The following ARHGAP21 variants were observed in gnomAD, a reference collection of about 807,000 sequenced individuals.
ARHGAP21 encodes the protein Rho GTPase activating protein 21.
A neutral mutation model predicts 164.6 loss-of-function variants in ARHGAP21; 38 were observed. That is an observed-to-expected ratio of 0.23 (90% CI 0.18 to 0.30). The LOEUF is 0.30. Among genes scored for constraint, ARHGAP21 ranks in the 10% least tolerant of loss-of-function variants. ARHGAP21 has a pLI of 1.00. For missense variants in ARHGAP21, 1,822 were observed against 2,370.7 expected (o/e 0.77, Z 4.81); for synonymous variants, 766 against 857.9 (o/e 0.89, Z 1.87).
chr10:24,630,276 T>G (rs1004992760), intron 6 of ARHGAP21, among the ~76,000 whole-genome samples: 5 of 152,222 alleles, frequency 3.3e-5, no homozygotes, highest in Non-Finnish European at 5.9e-5. Context: ...ATGTTTGTGC[T>G]ATTCATAATC....
intron 7 of ARHGAP21, among the ~76,000 whole-genome samples, chr10:24,628,190 A>G (rs556320210): frequency 6.6e-6 from 1 of 152,188 alleles, no homozygotes; most frequent in Non-Finnish European, 1.5e-5. Context: ...CAGGGTAGGA[A>G]CTCTACAACC....
chr10:24,630,535 C>T (rs527342912), intron 6 of ARHGAP21, among the ~76,000 whole-genome samples: 9 of 152,186 alleles, frequency 5.9e-5, no homozygotes, highest in East Asian at 5.8e-4. Flanking sequence ...ACTGTCACCC[C>T]GGCTGGAGTG....
chr10:24,619,397 G>T, intron 9 of ARHGAP21, 76 bp downstream of exon 9: 1 of 1,405,008 alleles, frequency 7.1e-7, no homozygotes, highest in Non-Finnish European at 9.7e-7. Context: ...TATGCCTATT[G>T]AACTAGAAAT....
At chr10:24,626,549 T>C (rs145746069) in intron 7 of ARHGAP21, among the ~76,000 whole-genome samples, 14 of 152,256 alleles carry the variant, frequency 9.2e-5, no homozygotes, top group African/African-American at 3.4e-4. Flanking sequence ...AGCCTTGACC[T>C]TGGGCTTCCC....
At chr10:24,716,023 T>A (rs1845344003) in intron 2 of ARHGAP21, among the ~76,000 whole-genome samples, 1 of 152,130 alleles carries the variant, frequency 6.6e-6, no homozygotes, top group Non-Finnish European at 1.5e-5. Context: ...AGAAATAAAA[T>A]AAATAAGAAT....
At chr10:24,689,948 G>GTATATATGTATA (rs1565169515) in intron 2 of ARHGAP21, among the ~76,000 whole-genome samples, 1 of 5,480 alleles carries the variant, frequency 1.8e-4, no homozygotes, top group Non-Finnish European at 4.0e-4. Flanking sequence ...ATATGTATAT[G>GTATATATGTATA]TGTGTGTGTG....
intron 14 of ARHGAP21, among the ~76,000 whole-genome samples, chr10:24,600,428 T>TATA (rs1376164762): frequency 2.6e-5 from 4 of 152,216 alleles, no homozygotes; most frequent in Non-Finnish European, 5.9e-5. Context: ...ATACAGCATA[T>TATA]ATAAATAACC....
At chr10:24,611,843 T>G (rs1296155881) in intron 9 of ARHGAP21, among the ~76,000 whole-genome samples, 1 of 152,206 alleles carries the variant, frequency 6.6e-6, no homozygotes, top group Non-Finnish European at 1.5e-5. Context: ...ACATTACTTC[T>G]TGGCAGGAGC....
intron 9 of ARHGAP21, among the ~76,000 whole-genome samples, chr10:24,609,920 TTC>T (rs1418559206): frequency 3.9e-5 from 6 of 152,222 alleles, no homozygotes; most frequent in Non-Finnish European, 7.3e-5. Context: ...AAATAAAATA[TTC>T]TGTTAGATGA....
In ARHGAP21 at chr10:24,620,426, T is replaced by C; in HGVS notation, c.1469A>G (p.Asn490Ser). Reference sequence around the variant, plus strand: ...ATAATCCCATGAACGAGTTCTATGATTACTAAAACTAACAGATGGAGACGT... The same window carrying C: ...ATAATCCCATGAACGAGTTCTATGACTACTAAAACTAACAGATGGAGACGT... ...ALTSPSVSFS[N>S]HRTRSWDYIE... Residue 490 changes from asparagine (N) to serine (S), a missense_variant, in exon 9 of 26, where the codon AAT becomes AGT. Asn to Ser is a conservative substitution (Grantham distance 46). Transcript: ENST00000396432. 6.2e-7 allele frequency: 1 copy of C among 1,611,286 alleles called. No individual in the cohort carries two copies. Among genetic ancestry groups the C allele is most frequent in the Non-Finnish European group, 8.5e-7 (1 of 1,177,904 alleles).
chr10:24,638,173 A>G (rs1438645393), intron 4 of ARHGAP21, among the ~76,000 whole-genome samples: 1 of 151,914 alleles, frequency 6.6e-6, no homozygotes, highest in African/African-American at 2.4e-5. Context: ...CCTCTTGCTC[A>G]CTTTCCTTTC....
At chr10:24,678,894 A>T (rs1404246086) in intron 2 of ARHGAP21, among the ~76,000 whole-genome samples, 1 of 152,212 alleles carries the variant, frequency 6.6e-6, no homozygotes. Flanking sequence ...TTTTTCACTT[A>T]GAATAATTCT....
chr10:24,622,183 T>G (rs1009311464), intron 8 of ARHGAP21, among the ~76,000 whole-genome samples: 1 of 151,916 alleles, frequency 6.6e-6, no homozygotes, highest in African/African-American at 2.4e-5. Context: ...AGCAATATTT[T>G]TAAAGCCTTA....
intron 5 of ARHGAP21, 113 bp downstream of exon 5, chr10:24,634,898 A>G (rs1420996381): frequency 1.2e-5 from 9 of 739,602 alleles, no homozygotes; most frequent in South Asian, 2.7e-5. Flanking sequence ...ATGTGAAGGA[A>G]AAGGAAGAAG....
chr10:24,682,631 A>C (rs1465258897), intron 2 of ARHGAP21, among the ~76,000 whole-genome samples: 1 of 152,126 alleles, frequency 6.6e-6, no homozygotes. Flanking sequence ...ATTGCATGCT[A>C]AGTATGCTTG....
At chr10:24,598,654 T>C (rs1287385327) in intron 14 of ARHGAP21, among the ~76,000 whole-genome samples, 2 of 152,200 alleles carry the variant, frequency 1.3e-5, no homozygotes, top group African/African-American at 2.4e-5. Flanking sequence ...ATTCCAATTA[T>C]ACATTGATAT....
chr10:24,645,506 C>T (rs528801422), intron 4 of ARHGAP21, among the ~76,000 whole-genome samples: 2 of 151,552 alleles, frequency 1.3e-5, no homozygotes, highest in African/African-American at 2.4e-5. Context: ...ATCGCTTGAA[C>T]CCAGAAAGCA....
chr10:24,601,253 C>A (rs1216523318), intron 13 of ARHGAP21, among the ~76,000 whole-genome samples: 2 of 152,136 alleles, frequency 1.3e-5, no homozygotes, highest in Admixed American at 1.3e-4. Context: ...ATTTAAAAAT[C>A]GGTCCAAAAA....
At chr10:24,612,477 C>G (rs541336507) in intron 9 of ARHGAP21, among the ~76,000 whole-genome samples, 3 of 152,276 alleles carry the variant, frequency 2.0e-5, no homozygotes, top group African/African-American at 7.2e-5. Context: ...GGACATACCT[C>G]AAGCAAAATA....
Sources: gnomAD v4.1 joint callset for allele counts (sites outside exome capture counted in the v4.1 genomes callset) on GRCh38, gnomAD v4.1.1 for gene constraint, MANE v1.5 for transcripts, NCBI Gene and HGNC (gene_info 2026-07-23, HGNC 2026-07-21) for gene names.